Variants in PPL observed in about 807,000 individuals in gnomAD.
PPL encodes the protein 190 kDa paraneoplastic pemphigus antigen.
PPL carries 198 observed loss-of-function variants against 194.4 expected under a neutral mutation model. The ratio of observed to expected loss-of-function variants is 1.02; its 90% CI spans 0.91 to 1.15. The LOEUF is 1.15. Among genes scored for constraint, PPL ranks in the 50% most tolerant of loss-of-function variants. PPL has a pLI of 0.00. For synonymous variants in PPL, 1,220 were observed against 972.4 expected, an observed-to-expected ratio of 1.25 and a Z score of -4.74; for missense variants, 2,885 against 2,294.8, an observed-to-expected ratio of 1.26 and a Z score of -5.25.
intron 14 of PPL, chr16:4,892,719 C>T (rs746244250): frequency 1.1e-4 from 18 of 163,876 alleles, no homozygotes; most frequent in South Asian, 3.7e-4. Context: ...GAGTGCTACT[C>T]ACTGCCTCAG....
chr16:4,884,578 C>G lies in PPL; in HGVS notation c.4077G>C (p.Glu1359Asp), dbSNP rs747453020. ...RVVQQEVVRY[E>D]EEPGLRAEAS... ...CCTCGGCCCGCAGGCCTGGCTCCTC[C>G]TCATACCTGACCACCTCCTGCTGCA... is the stretch of plus-strand genomic sequence containing the variant. The change falls in exon 22 of 22, where the codon GAG becomes GAC. Residue 1359 changes from glutamate (E) to aspartate (D), a missense_variant. Glu to Asp is a conservative substitution (Grantham distance 45, BLOSUM62 2). Transcript: ENST00000345988. The surrounding 1 kb of genome is among the most constrained non-coding windows in gnomAD (Gnocchi z 5.7). 1 of 1,614,126 alleles carries G rather than the reference C, an allele frequency of 6.2e-7. No individual in the cohort carries two copies. The highest frequency in any genetic ancestry group is 8.5e-7 in the Non-Finnish European group (1 of 1,180,010).
Position 4,885,744 on chromosome 16 carries a change from GCTC to G in PPL, c.2908_2910del (p.Glu970del). ...CGCAGCTGCAGCTGCAGTGCCTCCAGCTCCTCCTGCAGCAGCTGGTTCTTGTGC... is the reference window on the plus strand; with the variant it reads ...CGCAGCTGCAGCTGCAGTGCCTCCAGCTCCTGCAGCAGCTGGTTCTTGTGC... On this transcript the variant is annotated inframe_deletion, in exon 22 of 22. Coordinates refer to ENST00000345988, the MANE Select transcript of PPL (RefSeq NM_002705.5). This position sits in a 1 kb window ranked among gnomAD's most constrained non-coding sequence, Gnocchi z 6.3. 6.2e-7 allele frequency: 1 copy of G among 1,612,764 alleles called. No homozygotes were observed. Among genetic ancestry groups the G allele is most frequent in the Non-Finnish European group, 8.5e-7 (1 of 1,179,982 alleles).
chr16:4,893,669 G>GGCA, intron 12 of PPL, 31 bp from the exon 13 acceptor site: 6 of 1,537,664 alleles, frequency 3.9e-6, no homozygotes, highest in Non-Finnish European at 5.3e-6. Flanking sequence ...TGGGAACCTG[G>GGCA]GCAGCCCACC....
intron 18 of PPL, 57 bp downstream of exon 18, chr16:4,890,127 G>A: frequency 6.2e-7 from 1 of 1,611,984 alleles, no homozygotes. Flanking sequence ...GGGGCTTGTT[G>A]ACCTCTGACC....
At position 4,930,623 on chromosome 16, in the gene PPL, T is replaced by C. The variant is rs528775235; in HGVS notation, c.62+6361A>G. On this transcript the variant is annotated intron_variant, in intron 1 of 21. Coordinates refer to ENST00000345988, the MANE Select transcript of PPL (RefSeq NM_002705.5). ...CACATGTGGCTACCCCGGAGTCACA[T>C]AGCTGCTGAGATAAGAGCTACCAAG... Among the ~76,000 whole-genome samples the C allele has an allele frequency of 3.3e-5, 5 of 152,148 alleles. No individual in the cohort carries two copies. The South Asian group carries it at 6.2e-4, about 19-fold the overall frequency.
At chr16:4,926,310 G>A (rs935451324) in intron 1 of PPL, among the ~76,000 whole-genome samples, 2 of 152,050 alleles carry the variant, frequency 1.3e-5, no homozygotes, top group African/African-American at 4.8e-5. Context: ...ATAAATTTTC[G>A]ACCCCACCCC....
intron 1 of PPL, among the ~76,000 whole-genome samples, chr16:4,920,345 G>C (rs8057280): frequency 4.0e-5 from 1 of 25,078 alleles, no homozygotes; most frequent in African/African-American, 6.6e-5. Flanking sequence ...GAGAGAGAGA[G>C]AGAAAGAAAG....
chr16:4,898,269 T>C (rs183258533), intron 8 of PPL, among the ~76,000 whole-genome samples: 1 of 152,194 alleles, frequency 6.6e-6, no homozygotes, highest in East Asian at 1.9e-4. Context: ...TCCCAGCTAC[T>C]TGGGAGGCTG....
Position 4,895,677 on chromosome 16 carries a change from T to C in PPL, c.1012A>G (p.Lys338Glu). The C allele has an allele frequency of 6.2e-7, 1 of 1,613,980 alleles. No individual in the cohort carries two copies. Among genetic ancestry groups the C allele is most frequent in the Non-Finnish European group, 8.5e-7 (1 of 1,179,994 alleles). Residue 338 changes from lysine (K) to glutamate (E), a missense_variant, in exon 10 of 22, where the codon AAG becomes GAG. By Grantham distance (56) the Lys-to-Glu change is moderately conservative. Transcript: ENST00000345988. ...TTCTGGTTCAGGTCCGAGTCCACCT[T>C]GCGCAGCAGCTCCTGAGCGTCCTTC... is the stretch of plus-strand genomic sequence containing the variant. Reference protein sequence around the residue: ...DVKDAQELLRKVDSDLNQKYG... With the variant: ...DVKDAQELLREVDSDLNQKYG...
intron 1 of PPL, among the ~76,000 whole-genome samples, chr16:4,913,453 G>C (rs1213526325): frequency 1.3e-5 from 2 of 152,176 alleles, no homozygotes; most frequent in East Asian, 3.9e-4. Flanking sequence ...CACTACCAAA[G>C]GACTGTGCAT....
chr16:4,933,806 G>C (rs535594745), intron 1 of PPL, among the ~76,000 whole-genome samples: 1 of 152,338 alleles, frequency 6.6e-6, no homozygotes, highest in Non-Finnish European at 1.5e-5. Context: ...CAGCAACAGT[G>C]CCTATGGAAT....
chr16:4,928,540 G>T (rs761235968), intron 1 of PPL, among the ~76,000 whole-genome samples: 20 of 152,252 alleles, frequency 1.3e-4, no homozygotes, highest in Non-Finnish European at 2.5e-4. Flanking sequence ...AGAACTTGCA[G>T]AATTTTTTGC....
At chr16:4,920,033 C>G (rs1468019764) in intron 1 of PPL, among the ~76,000 whole-genome samples, 1 of 151,954 alleles carries the variant, frequency 6.6e-6, no homozygotes, top group African/African-American at 2.4e-5. Context: ...CGCCTGTAAT[C>G]CTAGCACTTT....
chr16:4,936,489 G>T (rs1439122304), intron 1 of PPL, among the ~76,000 whole-genome samples: 1 of 152,094 alleles, frequency 6.6e-6, no homozygotes, highest in Non-Finnish European at 1.5e-5. Flanking sequence ...TCTCAGAGGC[G>T]CTGGAGAGCG....
rs1035818619 is a variant in PPL, at chr16:4,892,490, C to T, written c.1651-277G>A. On this transcript the variant is annotated intron_variant, in intron 14 of 21. Transcript: ENST00000345988. ...TGCTGTCCTCAGCACTGCACGCGGA[C>T]GCTTCTGTTTAATCTTTGCGGCAAC... Among the ~76,000 whole-genome samples the T allele has an allele frequency of 3.3e-5, 5 of 152,320 alleles. No individual in the cohort carries two copies. The East Asian group carries it at 5.8e-4, about 18-fold the overall frequency.
Position 4,892,290 on chromosome 16 carries a change from C to T in PPL, c.1651-77G>A, listed in dbSNP as rs1007513758. 5 of 1,459,682 alleles carry T rather than the reference C, an allele frequency of 3.4e-6. No individual in the cohort carries two copies. In the East Asian group the frequency reaches 1.2e-4, roughly 34 times the overall value. The allele number at this position is 1,459,682 out of a possible 1,614,324, so 90.4% of individuals were successfully genotyped here. On this transcript the variant is annotated intron_variant, in intron 14 of 21. Coordinates refer to ENST00000345988, the MANE Select transcript of PPL (RefSeq NM_002705.5). ...CCTGAGGATGTGCCCAGGGTGAGCACAGATTCCCACATCAGGCACAGTGGA... is the reference window on the plus strand; with the variant it reads ...CCTGAGGATGTGCCCAGGGTGAGCATAGATTCCCACATCAGGCACAGTGGA...
Position 4,887,219 on chromosome 16 carries a change from T to G in PPL, c.2523A>C (p.Ala841=). ...AAACTTCAGTGAACTTGGCGGCAAGTGCTGCTTCCTGCAGAGAAGAGGATT... is the reference window on the plus strand; with the variant it reads ...AAACTTCAGTGAACTTGGCGGCAAGGGCTGCTTCCTGCAGAGAAGAGGATT... ...PATKVKEEEA[A]LAAKFTEVYA... is the part of the protein sequence containing the mutation. The change falls in exon 21 of 22, where the codon GCA becomes GCC. Residue 841 remains alanine (A), a synonymous_variant. Coordinates refer to ENST00000345988, the MANE Select transcript of PPL (RefSeq NM_002705.5). The G allele has an allele frequency of 6.2e-7, 1 of 1,613,560 alleles. No homozygotes were observed. The highest frequency in any genetic ancestry group is 1.1e-5 in the South Asian group (1 of 91,072).
chr16:4,902,354 A>G lies in PPL; in HGVS notation c.438+52T>C. The G allele has an allele frequency of 6.2e-7, 1 of 1,606,294 alleles. No homozygotes were observed. The highest frequency in any genetic ancestry group is 8.5e-7 in the Non-Finnish European group (1 of 1,175,892). ...GGGTAGGCTCTCCCTGCACACGCAC[A>G]GCCCCCTCCCCAGCTGAAACCCTGG... On this transcript the variant is annotated intron_variant, in intron 4 of 21. Coordinates refer to ENST00000345988, the MANE Select transcript of PPL (RefSeq NM_002705.5). This position sits in a 1 kb window ranked among gnomAD's most constrained non-coding sequence, Gnocchi z 4.0.
At chr16:4,927,115 G>C (rs2089168739) in intron 1 of PPL, among the ~76,000 whole-genome samples, 2 of 152,118 alleles carry the variant, frequency 1.3e-5, no homozygotes, top group South Asian at 2.1e-4. Flanking sequence ...ATGTAAATGA[G>C]TTAATTTTGC....
Sources: gnomAD v4.1 joint callset for allele counts (sites outside exome capture counted in the v4.1 genomes callset) on GRCh38, gnomAD v4.1.1 for gene constraint, Gnocchi (gnomAD v3.1) non-coding constraint, MANE v1.5 for transcripts, NCBI Gene and HGNC (gene_info 2026-07-23, HGNC 2026-07-21) for gene names.